Variants in ZMAT4 observed in about 807,000 individuals in gnomAD.
ZMAT4 encodes the protein zinc finger matrin-type protein 4.
In ZMAT4, 17 loss-of-function variants were observed where a neutral mutation model predicts 28.7. The ratio of observed to expected loss-of-function variants is 0.59; its 90% CI spans 0.41 to 0.89. The LOEUF (loss-of-function observed/expected upper bound fraction) is 0.89, where lower values mean the gene tolerates loss of function less well. ZMAT4 is among the 40% of genes least tolerant of loss of function. The probability of loss-of-function intolerance (pLI) is 0.00; values close to 1 mark genes in which losing one functional copy is unlikely to be tolerated. For synonymous variants in ZMAT4, 117 were observed against 109.2 expected, an observed-to-expected ratio of 1.07 and a Z score of -0.44; for missense variants, 240 against 283.8, an observed-to-expected ratio of 0.85 and a Z score of 1.11.
At chr8:40,835,405 A>G (rs1816441668) in intron 1 of ZMAT4, among the ~76,000 whole-genome samples, 1 of 152,160 alleles carries the variant, frequency 6.6e-6, no homozygotes, top group South Asian at 2.1e-4. Context: ...CCCTCCCCTC[A>G]CTCAACGGAG....
At chr8:40,859,750 G>A (rs555271633) in intron 1 of ZMAT4, among the ~76,000 whole-genome samples, 1 of 152,202 alleles carries the variant, frequency 6.6e-6, no homozygotes, top group South Asian at 2.1e-4. Flanking sequence ...TTCTAAAAGA[G>A]CCCTTGATGA....
intron 3 of ZMAT4, among the ~76,000 whole-genome samples, chr8:40,705,470 T>C (rs886465473): frequency 1.1e-4 from 16 of 152,186 alleles, no homozygotes; most frequent in Non-Finnish European, 2.9e-5. Context: ...CTATTCAATA[T>C]TGTACACTCA....
At chr8:40,629,541 T>C (rs1356942202) in intron 5 of ZMAT4, among the ~76,000 whole-genome samples, 1 of 151,670 alleles carries the variant, frequency 6.6e-6, no homozygotes, top group Non-Finnish European at 1.5e-5. Flanking sequence ...TATCTCCTAA[T>C]GCTATCCCTC....
chr8:40,687,903 C>A (rs1230612595), intron 4 of ZMAT4, among the ~76,000 whole-genome samples: 2 of 152,136 alleles, frequency 1.3e-5, no homozygotes, highest in African/African-American at 4.8e-5. Flanking sequence ...GGCCTTCAAC[C>A]CATCTCCTGC....
intron 3 of ZMAT4, among the ~76,000 whole-genome samples, chr8:40,705,161 G>T (rs1008204844): frequency 6.6e-6 from 1 of 152,178 alleles, no homozygotes; most frequent in Non-Finnish European, 1.5e-5. Context: ...TTGGAATTTG[G>T]ATGGCTTTAG....
chr8:40,886,590 T>C (rs1004277092), intron 1 of ZMAT4, among the ~76,000 whole-genome samples: 3 of 152,200 alleles, frequency 2.0e-5, no homozygotes, highest in Non-Finnish European at 4.4e-5. Flanking sequence ...AGGTTCTATT[T>C]CTTTCTTTCT....
chr8:40,852,752 G>A (rs185170786), intron 1 of ZMAT4, among the ~76,000 whole-genome samples: 45 of 152,200 alleles, frequency 3.0e-4, no homozygotes, highest in Admixed American at 2.4e-3. Context: ...TCATGCATTG[G>A]TAAAACTGTT....
At chr8:40,699,713 A>G (rs1810049442) in intron 3 of ZMAT4, among the ~76,000 whole-genome samples, 2 of 152,222 alleles carry the variant, frequency 1.3e-5, no homozygotes, top group African/African-American at 4.8e-5. Flanking sequence ...GAGTGTTTGA[A>G]TTATACCATT....
chr8:40,695,759 C>T (rs2150492741), intron 4 of ZMAT4, among the ~76,000 whole-genome samples: 1 of 132,794 alleles, frequency 7.5e-6, no homozygotes, highest in East Asian at 2.3e-4. Flanking sequence ...CTGGTTTTGC[C>T]ATGTGGCAAT....
At chr8:40,825,441 A>T (rs1005426618) in intron 2 of ZMAT4, 134 bp downstream of exon 2, 1 of 696,228 alleles carries the variant, frequency 1.4e-6, no homozygotes, top group Non-Finnish European at 2.4e-6. Flanking sequence ...CCTTGACCTC[A>T]GACTGTACAG....
intron 2 of ZMAT4, among the ~76,000 whole-genome samples, chr8:40,805,998 G>GA (rs993541820): frequency 2.6e-4 from 39 of 148,894 alleles, no homozygotes; most frequent in African/African-American, 9.7e-4. Flanking sequence ...CCTTGTCTGA[G>GA]AAAAAATAAC....
At chr8:40,651,041 A>T (rs999455993) in intron 5 of ZMAT4, among the ~76,000 whole-genome samples, 1 of 151,196 alleles carries the variant, frequency 6.6e-6, no homozygotes, top group Non-Finnish European at 1.5e-5. Flanking sequence ...CTCTCTCACC[A>T]CTCCTATTCA....
chr8:40,847,508 G>A (rs554875734), intron 1 of ZMAT4, among the ~76,000 whole-genome samples: 1 of 152,282 alleles, frequency 6.6e-6, no homozygotes, highest in South Asian at 2.1e-4. Context: ...TCAGCCAGGT[G>A]CGCTGAGGAA....
intron 6 of ZMAT4, among the ~76,000 whole-genome samples, chr8:40,551,935 T>C (rs929833724): frequency 1.3e-5 from 2 of 152,138 alleles, no homozygotes; most frequent in Admixed American, 6.6e-5. Context: ...GTACTAAAAC[T>C]TCCCATACAG....
intron 1 of ZMAT4, among the ~76,000 whole-genome samples, chr8:40,879,492 G>A (rs942849877): frequency 6.6e-6 from 1 of 152,136 alleles, no homozygotes; most frequent in African/African-American, 2.4e-5. Context: ...TGTGAATCAG[G>A]GAGGAGTAAA....
intron 3 of ZMAT4, among the ~76,000 whole-genome samples, chr8:40,744,398 G>A (rs554928518): frequency 6.6e-6 from 1 of 152,278 alleles, no homozygotes; most frequent in African/African-American, 2.4e-5. Flanking sequence ...TAGTCATCAC[G>A]CTGGCTTCCT....
intron 5 of ZMAT4, among the ~76,000 whole-genome samples, chr8:40,596,880 C>CA (rs1318288817): frequency 1.3e-5 from 2 of 152,180 alleles, no homozygotes; most frequent in Non-Finnish European, 2.9e-5. Context: ...ATAGGCACAG[C>CA]ATAGGGCAGT....
intron 2 of ZMAT4, among the ~76,000 whole-genome samples, chr8:40,789,642 T>C (rs765621279): frequency 4.6e-5 from 7 of 152,172 alleles, no homozygotes; most frequent in Non-Finnish European, 8.8e-5. Flanking sequence ...TTACTATGCA[T>C]TGTATACCTG....
chr8:40,741,600 T>C (rs751786741), intron 3 of ZMAT4, among the ~76,000 whole-genome samples: 10 of 152,228 alleles, frequency 6.6e-5, no homozygotes, highest in Admixed American at 2.6e-4. Flanking sequence ...ATATCATTTG[T>C]GAAGATGAGG....
Sources: gnomAD v4.1 joint callset for allele counts (sites outside exome capture counted in the v4.1 genomes callset) on GRCh38, gnomAD v4.1.1 for gene constraint, MANE v1.5 for transcripts, NCBI Gene and HGNC (gene_info 2026-07-23, HGNC 2026-07-21) for gene names.